MPP7: variants seen among roughly 807,000 people sequenced by gnomAD.
MPP7 encodes MAGUK p55 scaffold protein 7.
MPP7 carries 60 observed loss-of-function variants against 76.5 expected under a neutral mutation model. The ratio of observed to expected loss-of-function variants is 0.78; its 90% CI spans 0.64 to 0.97. The LOEUF (loss-of-function observed/expected upper bound fraction) is 0.97. MPP7 is among the 50% of genes least tolerant of loss of function. The pLI is 0.00. For synonymous variants in MPP7, 237 were observed against 244.5 expected, an observed-to-expected ratio of 0.97 and a Z score of 0.29; for missense variants, 641 against 694.0, an observed-to-expected ratio of 0.92 and a Z score of 0.86.
chr10:28,104,769 C>T (rs956588346), intron 11 of MPP7, among the ~76,000 whole-genome samples: 4 of 151,832 alleles, frequency 2.6e-5, no homozygotes, highest in Non-Finnish European at 4.4e-5. Flanking sequence ...CTTTTTATAC[C>T]GTATGACTCT....
intron 1 of MPP7, among the ~76,000 whole-genome samples, chr10:28,299,591 T>C (rs1431530244): frequency 1.2e-4 from 18 of 152,082 alleles, no homozygotes; most frequent in Admixed American, 1.2e-3. Flanking sequence ...AAAATGAACA[T>C]ACACTATTGG....
At chr10:28,107,018 G>A (rs905278756) in intron 11 of MPP7, among the ~76,000 whole-genome samples, 25 of 152,190 alleles carry the variant, frequency 1.6e-4, no homozygotes, top group South Asian at 1.0e-3. Context: ...TTCTTTGGAC[G>A]AAATTTTACA....
intron 12 of MPP7, among the ~76,000 whole-genome samples, chr10:28,074,435 T>C (rs936328622): frequency 6.6e-6 from 1 of 152,116 alleles, no homozygotes; most frequent in Non-Finnish European, 1.5e-5. Flanking sequence ...GTAGCTGGGA[T>C]TACAGGTGTG....
At chr10:28,218,401 C>T (rs1554853002) in intron 2 of MPP7, among the ~76,000 whole-genome samples, 3 of 152,110 alleles carry the variant, frequency 2.0e-5, no homozygotes, top group Non-Finnish European at 2.9e-5. Context: ...GCAGCAAAAT[C>T]GTGTGTGGAA....
intron 11 of MPP7, among the ~76,000 whole-genome samples, chr10:28,113,788 G>A (rs953158367): frequency 2.6e-5 from 4 of 152,156 alleles, no homozygotes; most frequent in South Asian, 2.1e-4. Flanking sequence ...CATCTGGCTC[G>A]AGTCTGAGTT....
In MPP7 at chr10:28,282,593, C is replaced by T. The variant is rs184038151; in HGVS notation, c.-132+20268G>A. ...ACAATGGGCAAACGCACAATTGGGG[C>T]GGTGGGGGTGAGTAAGTGGGAAAAG... On this transcript the variant is annotated intron_variant, in intron 1 of 16. Transcript: ENST00000683449. Among the ~76,000 whole-genome samples, 489 of 151,918 alleles carry T rather than the reference C, an allele frequency of 3.2e-3. 1 individual carries two copies. Among genetic ancestry groups the T allele is most frequent in the Admixed American group, 7.4e-3 (113 of 15,262 alleles).
At chr10:28,288,854 C>A (rs1311053076) in intron 1 of MPP7, among the ~76,000 whole-genome samples, 1 of 152,166 alleles carries the variant, frequency 6.6e-6, no homozygotes, top group African/African-American at 2.4e-5. Context: ...CAAGAACCAC[C>A]AGCCACAGCC....
At position 28,210,085 on chromosome 10, in the gene MPP7, T is replaced by C. The variant is rs983042895; in HGVS notation, c.38-7814A>G. 2.0e-5 allele frequency among the ~76,000 whole-genome samples: 3 copies of C among 152,184 alleles called. No individual in the cohort carries two copies. In the East Asian group the frequency reaches 5.8e-4, roughly 29 times the overall value. Reference sequence around the variant, plus strand: ...TTTGTGCTTTGATACTTACTTATACTGCAGCCCTTTCCCTTCCACCCCATA... The same window carrying C: ...TTTGTGCTTTGATACTTACTTATACCGCAGCCCTTTCCCTTCCACCCCATA... On this transcript the variant is annotated intron_variant, in intron 2 of 16. Transcript: ENST00000683449.
At chr10:28,163,866 G>A (rs1015536976) in intron 3 of MPP7, among the ~76,000 whole-genome samples, 22 of 149,040 alleles carry the variant, frequency 1.5e-4, no homozygotes, top group African/African-American at 5.5e-4. Context: ...AGCCGAGGCC[G>A]CGCCACTGCA....
intron 2 of MPP7, among the ~76,000 whole-genome samples, chr10:28,232,399 T>C (rs61845904): frequency 0.29 from 42,431 of 146,928 alleles, 6,265 homozygotes; most frequent in East Asian, 0.39. Context: ...ACAAATTGAT[T>C]GGTAACGTAA....
intron 1 of MPP7, among the ~76,000 whole-genome samples, chr10:28,301,013 G>C (rs10826445): frequency 6.6e-6 from 1 of 151,398 alleles, no homozygotes; most frequent in African/African-American, 2.4e-5. Context: ...CTGATAACTA[G>C]TAAATTTAAC....
intron 2 of MPP7, among the ~76,000 whole-genome samples, chr10:28,230,106 T>C (rs73608076): frequency 0.021 from 3,146 of 152,126 alleles, 116 homozygotes; most frequent in African/African-American, 0.069. Flanking sequence ...GTAGTAATTT[T>C]GAAGGAAACT....
intron 2 of MPP7, among the ~76,000 whole-genome samples, chr10:28,226,547 G>A (rs763928606): frequency 3.3e-5 from 5 of 152,094 alleles, no homozygotes; most frequent in Non-Finnish European, 7.4e-5. Context: ...CACCCGGCCA[G>A]GTCAAGTTAC....
At chr10:28,118,568 G>A in intron 11 of MPP7, 1 of 985,396 alleles carries the variant, frequency 1.0e-6, no homozygotes, top group Non-Finnish European at 1.2e-6. Flanking sequence ...CCAGTGAAAA[G>A]TCATCACGCT....
intron 2 of MPP7, among the ~76,000 whole-genome samples, chr10:28,237,977 G>GT (rs55641522): frequency 0.036 from 5,417 of 151,298 alleles, 184 homozygotes; most frequent in African/African-American, 0.082. Context: ...GTGTGTGTTA[G>GT]TTTTTTTTTC....
intron 2 of MPP7, among the ~76,000 whole-genome samples, chr10:28,237,428 C>A (rs1037977714): frequency 6.6e-6 from 1 of 152,068 alleles, no homozygotes; most frequent in Admixed American, 6.6e-5. Context: ...AAAACTTCTT[C>A]CTGACAAAAA....
At chr10:28,176,119 CT>C (rs1432964930) in intron 3 of MPP7, among the ~76,000 whole-genome samples, 1 of 152,054 alleles carries the variant, frequency 6.6e-6, no homozygotes, top group East Asian at 1.9e-4. Context: ...CTATTGGTCA[CT>C]GTTAGGAACC....
At chr10:28,106,236 T>C (rs1834320093) in intron 11 of MPP7, among the ~76,000 whole-genome samples, 2 of 152,338 alleles carry the variant, frequency 1.3e-5, no homozygotes, top group Admixed American at 1.3e-4. Flanking sequence ...TCTAACGGAA[T>C]TGATCGCTAA....
intron 12 of MPP7, among the ~76,000 whole-genome samples, chr10:28,086,785 G>A (rs1192365980): frequency 6.6e-6 from 1 of 152,082 alleles, no homozygotes; most frequent in Non-Finnish European, 1.5e-5. Flanking sequence ...GAGAGTTCCA[G>A]ATCCACTATA....
Sources: gnomAD v4.1 joint callset for allele counts (sites outside exome capture counted in the v4.1 genomes callset) on GRCh38, gnomAD v4.1.1 for gene constraint, MANE v1.5 for transcripts, NCBI Gene and HGNC (gene_info 2026-07-23, HGNC 2026-07-21) for gene names.